Variants in LGR4 observed in about 807,000 individuals in gnomAD.
LGR4 encodes leucine rich repeat containing G protein-coupled receptor 4.
A neutral mutation model predicts 84.8 loss-of-function variants in LGR4; 44 were observed. The ratio of observed to expected loss-of-function variants is 0.52; its 90% CI spans 0.41 to 0.67. LGR4 has a LOEUF of 0.67. Ranked by LOEUF, LGR4 falls within the 30% of genes least tolerant of loss-of-function variation. The pLI is 0.00. For synonymous variants in LGR4, 429 were observed against 434.3 expected, an observed-to-expected ratio of 0.99 and a Z score of 0.15; for missense variants, 1,032 against 1,131.4, an observed-to-expected ratio of 0.91 and a Z score of 1.26.
Position 27,382,869 on chromosome 11 carries a change from T to C in LGR4, c.690-613A>G, listed in dbSNP as rs150505360. Among the ~76,000 whole-genome samples, 269 of 152,040 alleles carry C rather than the reference T, an allele frequency of 1.8e-3. 6 individuals are homozygous for C. The East Asian group carries it at 0.037, about 21-fold the overall frequency. On this transcript the variant is annotated intron_variant, in intron 6 of 17. Transcript: ENST00000379214. ...CCATCTCTACTAAAAATACCAAAAT[T>C]AGCAGGGCATGGTGGCACATGCCTG... is the stretch of plus-strand genomic sequence containing the variant.
intron 1 of LGR4, among the ~76,000 whole-genome samples, chr11:27,432,496 CA>C (rs1246664588): frequency 1.3e-5 from 2 of 152,072 alleles, no homozygotes; most frequent in Non-Finnish European, 1.5e-5. Flanking sequence ...TGGAAAAAAG[CA>C]GCCTATTTCT....
intron 1 of LGR4, among the ~76,000 whole-genome samples, chr11:27,460,654 T>C (rs1395318278): frequency 3.9e-5 from 6 of 152,248 alleles, no homozygotes; most frequent in Admixed American, 3.9e-4. Flanking sequence ...CAGCAGAGCC[T>C]GTGGTTTGTG....
In LGR4 at chr11:27,472,389, G is replaced by T. The variant is rs1216796630; in HGVS notation, c.-87C>A. The T allele has an allele frequency of 2.0e-5, 21 of 1,073,666 alleles. No individual in the cohort carries two copies. In the East Asian group the frequency reaches 5.0e-4, roughly 26 times the overall value. The allele number at this position is 1,073,666 out of a possible 1,614,324, so 66.5% of individuals were successfully genotyped here. ...TGTCCCCCGCCGCCCCCGGGCAGCC[G>T]GCCTGCGGGCTGGAGCGGGGGTCTC... On this transcript the variant is annotated 5_prime_UTR_variant, in exon 1 of 18. Transcript: ENST00000379214.
intron 2 of LGR4, among the ~76,000 whole-genome samples, chr11:27,410,992 C>T (rs1863699495): frequency 6.6e-6 from 1 of 152,114 alleles, no homozygotes; most frequent in South Asian, 2.1e-4. Flanking sequence ...CCAGGTTTGA[C>T]TCCACATCCA....
chr11:27,419,036 CTG>C (rs1467368688), intron 1 of LGR4, among the ~76,000 whole-genome samples: 1 of 152,038 alleles, frequency 6.6e-6, no homozygotes, highest in Non-Finnish European at 1.5e-5. Context: ...CCAGGTTTCA[CTG>C]TGTTGCCCAG....
rs139417460 is a variant in LGR4 at position 27,414,852 on chromosome 11, G to C, written c.186-1992C>G. Reference sequence around the variant, plus strand: ...ATCAGTAAATTGAAGCTGATTGCTTGGGTGGCTTCCTGGCCTGACATGATA... The same window carrying C: ...ATCAGTAAATTGAAGCTGATTGCTTCGGTGGCTTCCTGGCCTGACATGATA... On this transcript the variant is annotated intron_variant, in intron 1 of 17. Transcript: ENST00000379214. Among the ~76,000 whole-genome samples, 213 of 152,164 alleles carry C rather than the reference G, an allele frequency of 1.4e-3. 2 individuals carry two copies. Among genetic ancestry groups the C allele is most frequent in the African/African-American group, 4.8e-3 (198 of 41,520 alleles).
intron 1 of LGR4, among the ~76,000 whole-genome samples, chr11:27,457,107 G>C (rs1467162558): frequency 6.6e-6 from 1 of 152,130 alleles, no homozygotes; most frequent in Non-Finnish European, 1.5e-5. Context: ...CTAACTGTGG[G>C]ATATTTGAAC....
Position 27,368,235 on chromosome 11 carries a change from T to C in LGR4, c.2488A>G (p.Ile830Val), listed in dbSNP as rs1171003651. Residue 830 changes from isoleucine to valine, a missense_variant, in exon 18 of 18, where the codon ATC (isoleucine) becomes GTC (valine). Physicochemically the swap from Ile to Val is conservative, Grantham distance 29. Transcript: ENST00000379214. ...TKKSGSVSVSISSQGGCLEQD... is the reference protein window; with the variant it reads ...TKKSGSVSVSVSSQGGCLEQD... ...TCCAGACAACCACCTTGGCTACTGA[T>C]GGAAACTGAAACTGATCCACTTTTC... The C allele has an allele frequency of 1.9e-6, 3 of 1,614,122 alleles. No homozygotes were observed. The highest frequency in any genetic ancestry group is 2.5e-6 in the Non-Finnish European group (3 of 1,180,050).
intron 1 of LGR4, among the ~76,000 whole-genome samples, chr11:27,459,898 G>A (rs539495967): frequency 2.2e-3 from 328 of 151,948 alleles, no homozygotes; most frequent in African/African-American, 7.3e-3. Context: ...CGAGACCAGC[G>A]GGGCCAACAT....
intron 1 of LGR4, among the ~76,000 whole-genome samples, chr11:27,468,877 G>C (rs1043163997): frequency 1.3e-5 from 2 of 152,070 alleles, no homozygotes; most frequent in African/African-American, 4.8e-5. Context: ...TTGTGCTCGA[G>C]GTCTACGTTT....
At chr11:27,436,349 GAA>G (rs887287395) in intron 1 of LGR4, among the ~76,000 whole-genome samples, 2 of 107,996 alleles carry the variant, frequency 1.9e-5, no homozygotes, top group Non-Finnish European at 3.3e-5. Flanking sequence ...GAGAGAGAGA[GAA>G]AGAAAGAAAG....
At chr11:27,377,246 A>T (rs1863001833) in intron 11 of LGR4, 23 bp from the exon 12 acceptor site, 6 of 1,202,200 alleles carry the variant, frequency 5.0e-6, no homozygotes, top group Non-Finnish European at 7.3e-6. Flanking sequence ...GAAATTAACA[A>T]ATTAATGCTA....
chr11:27,403,973 C>T (rs1476006676), intron 2 of LGR4, among the ~76,000 whole-genome samples: 1 of 152,052 alleles, frequency 6.6e-6, no homozygotes, highest in African/African-American at 2.4e-5. Flanking sequence ...AATTCTAAGT[C>T]AAAGGTCCTA....
At chr11:27,468,401 C>A (rs535455570) in intron 1 of LGR4, among the ~76,000 whole-genome samples, 1 of 152,282 alleles carries the variant, frequency 6.6e-6, no homozygotes, top group East Asian at 1.9e-4. Context: ...TCTACCCTAG[C>A]AAAGTGCCTT....
chr11:27,423,415 C>G (rs556164842), intron 1 of LGR4, among the ~76,000 whole-genome samples: 1 of 152,232 alleles, frequency 6.6e-6, no homozygotes, highest in African/African-American at 2.4e-5. Flanking sequence ...GGCGATGAGG[C>G]GTGCAGACTC....
At chr11:27,413,970 C>T (rs1009657014) in intron 1 of LGR4, among the ~76,000 whole-genome samples, 1 of 152,044 alleles carries the variant, frequency 6.6e-6, no homozygotes, top group South Asian at 2.1e-4. Flanking sequence ...TTCTTACTAG[C>T]CTTTCCCAAA....
At chr11:27,403,118 G>A (rs1446738513) in intron 2 of LGR4, among the ~76,000 whole-genome samples, 1 of 152,172 alleles carries the variant, frequency 6.6e-6, no homozygotes, top group Admixed American at 6.5e-5. Context: ...AAGCCACACT[G>A]TAATAAAAGC....
chr11:27,411,798 C>G (rs2133397395), intron 2 of LGR4, among the ~76,000 whole-genome samples: 1 of 152,180 alleles, frequency 6.6e-6, no homozygotes, highest in African/African-American at 2.4e-5. Flanking sequence ...GAGTACATAA[C>G]CTGGATATCT....
intron 1 of LGR4, among the ~76,000 whole-genome samples, chr11:27,416,038 G>T (rs553850794): frequency 2.0e-5 from 3 of 152,266 alleles, no homozygotes; most frequent in African/African-American, 7.2e-5. Flanking sequence ...GTTGTTTAAA[G>T]AATTTTCAGC....
Sources: allele counts gnomAD v4.1 joint callset (sites outside exome capture counted in the v4.1 genomes callset), GRCh38; gene constraint gnomAD v4.1.1; transcripts MANE v1.5; gene names NCBI Gene and HGNC (gene_info 2026-07-23, HGNC 2026-07-21).